ZNF37A: variants seen among roughly 807,000 people sequenced by gnomAD.
The protein encoded by ZNF37A is zinc finger protein 37A.
In ZNF37A, 10 loss-of-function variants were observed where a neutral mutation model predicts 12.3. That is an observed-to-expected ratio of 0.82 (90% CI 0.50 to 1.38). The LOEUF (loss-of-function observed/expected upper bound fraction) is 1.38. Ranked by LOEUF, ZNF37A falls within the 40% of genes most tolerant of loss-of-function variation. The pLI, the probability that ZNF37A is intolerant of heterozygous loss-of-function variation, is 0.00. For missense variants in ZNF37A, 580 were observed against 651.2 expected (o/e 0.89, Z 1.19); for synonymous variants, 207 against 223.0 (o/e 0.93, Z 0.64).
In ZNF37A at chr10:38,114,819, CT is replaced by C. The variant is rs777769001; in HGVS notation, c.81del (p.Ala28LeufsTer9). 8.7e-6 allele frequency: 14 copies of C among 1,613,924 alleles called. No individual in the cohort carries two copies. Among genetic ancestry groups the C allele is most frequent in the Non-Finnish European group, 3.4e-6 (4 of 1,179,980 alleles). On this transcript the variant is annotated frameshift_variant, in exon 6 of 8. Transcript: ENST00000685332. LOFTEE classifies it high-confidence loss of function. ...CAAGAGGAGTGGCAGCATCTGGACC[CT>C]GCTCAGAGGACCCTGTACAGGGATG... is the stretch of plus-strand genomic sequence containing the variant. ...FTQEEWQHLD[P>X]AQRTLYRDVM...
At chr10:38,110,872 A>G (rs1193276902) in intron 5 of ZNF37A, among the ~76,000 whole-genome samples, 1 of 152,222 alleles carries the variant, frequency 6.6e-6, no homozygotes, top group Admixed American at 6.5e-5. Flanking sequence ...GAATGATTTT[A>G]TACTGTTGGT....
rs1247198353 is a variant in ZNF37A at position 38,120,850 on chromosome 10, C to T, written c.*2013C>T. On this transcript the variant is annotated 3_prime_UTR_variant, in exon 8 of 8. Coordinates refer to ENST00000685332, the MANE Select transcript of ZNF37A (RefSeq NM_001324250.3). ...CTGCATAGGGCAGGAGCCTGAAAAGCTAATTTGAGAAGATAATAAGTAGGA... is the reference window on the plus strand; with the variant it reads ...CTGCATAGGGCAGGAGCCTGAAAAGTTAATTTGAGAAGATAATAAGTAGGA... 1 of 152,150 alleles carries T rather than the reference C, an allele frequency of 6.6e-6. No homozygotes were observed. Among genetic ancestry groups the T allele is most frequent in the Non-Finnish European group, 1.5e-5 (1 of 68,030 alleles). 9.4% of individuals were successfully genotyped at this position (152,150 alleles called of 1,614,324 possible).
rs2067174750 is a variant in ZNF37A at position 38,096,638 on chromosome 10, T to C, written c.15+6T>C. 3 of 1,612,594 alleles carry C rather than the reference T, an allele frequency of 1.9e-6. No homozygotes were observed. The highest frequency in any genetic ancestry group is 2.5e-6 in the Non-Finnish European group (3 of 1,179,460). On this transcript the variant is annotated splice_donor_region_variant and intron_variant, in intron 5 of 7. Transcript: ENST00000685332. ...GGAAGATGATCACATCCCAGGTAAG[T>C]TGTTTATTTTTTCACCGTTTTGCTT...
intron 7 of ZNF37A, chr10:38,142,394 T>C (rs1235870969): frequency 6.6e-6 from 1 of 152,238 alleles, no homozygotes; most frequent in Non-Finnish European, 1.5e-5. Context: ...AATTCATATC[T>C]ACTCTTACCA....
exon 8 of ZNF37A, chr10:38,147,052 C>G (rs1222184313): frequency 7.0e-6 from 2 of 287,504 alleles, no homozygotes; most frequent in African/African-American, 4.4e-5. Flanking sequence ...TTATCTGCAG[C>G]AAAAACATGT....
At chr10:38,127,074 G>C (rs2069938596), downstream of ZNF37A, among the ~76,000 whole-genome samples, 1 of 152,150 alleles carries the variant, frequency 6.6e-6, no homozygotes. Context: ...TTTTTGCTCA[G>C]ATATTCCAGT....
At chr10:38,112,328 C>T (rs887288721) in intron 5 of ZNF37A, among the ~76,000 whole-genome samples, 30 of 152,086 alleles carry the variant, frequency 2.0e-4, no homozygotes, top group African/African-American at 6.8e-4. Context: ...CTTTGCCAAG[C>T]TTCTCCTGTC....
intron 5 of ZNF37A, among the ~76,000 whole-genome samples, chr10:38,102,374 C>T (rs1283678053): frequency 6.6e-6 from 1 of 152,022 alleles, no homozygotes; most frequent in Non-Finnish European, 1.5e-5. Flanking sequence ...TTGCAATTAA[C>T]ATCTTGAATT....
intron 3 of ZNF37A, 53 bp from the exon 4 acceptor site, chr10:38,095,691 A>G (rs117510855): frequency 0.042 from 6,444 of 152,316 alleles, 191 homozygotes; most frequent in Non-Finnish European, 0.06. Context: ...TGGACAGGAA[A>G]CGAGCTTAAC....
At chr10:38,116,208 A>G (rs994175134) in intron 7 of ZNF37A, among the ~76,000 whole-genome samples, 4 of 152,216 alleles carry the variant, frequency 2.6e-5, no homozygotes, top group Non-Finnish European at 5.9e-5. Flanking sequence ...CCATTGATTT[A>G]AATATCTATA....
intron 2 of ZNF37A, 63 bp from the exon 3 acceptor site, chr10:38,095,475 A>T (rs1228815706): frequency 6.6e-6 from 1 of 152,254 alleles, no homozygotes; most frequent in Non-Finnish European, 1.5e-5. Context: ...CGGAGGGAAG[A>T]GCTTAGCAGC....
intron 5 of ZNF37A, among the ~76,000 whole-genome samples, chr10:38,107,097 C>T (rs1255224293): frequency 6.6e-6 from 1 of 152,080 alleles, no homozygotes; most frequent in East Asian, 1.9e-4. Flanking sequence ...TTAAGGGCAG[C>T]CAGAGAGAAA....
downstream of ZNF37A, among the ~76,000 whole-genome samples, chr10:38,128,244 G>A (rs1278409574): frequency 6.6e-6 from 1 of 152,124 alleles, no homozygotes; most frequent in African/African-American, 2.4e-5. Context: ...AATATAATAG[G>A]AGGAAGGATG....
intron 5 of ZNF37A, among the ~76,000 whole-genome samples, chr10:38,110,425 G>T (rs913427260): frequency 2.6e-5 from 4 of 152,048 alleles, no homozygotes; most frequent in African/African-American, 4.8e-5. Flanking sequence ...CATAGGCATG[G>T]GCAAAACTTC....
chr10:38,130,250 A>G (rs117023802), downstream of ZNF37A, among the ~76,000 whole-genome samples: 540 of 152,242 alleles, frequency 3.5e-3, 9 homozygotes, highest in South Asian at 0.05. Context: ...GCATGTTCAT[A>G]CCATGATTTG....
chr10:38,106,672 G>C (rs1425060876), intron 5 of ZNF37A, among the ~76,000 whole-genome samples: 1 of 152,040 alleles, frequency 6.6e-6, no homozygotes, highest in Non-Finnish European at 1.5e-5. Context: ...TCACCTGATG[G>C]AGCTGAAAAA....
chr10:38,107,986 C>T (rs1447207996), intron 5 of ZNF37A, among the ~76,000 whole-genome samples: 13 of 152,144 alleles, frequency 8.5e-5, no homozygotes, highest in Non-Finnish European at 1.8e-4. Flanking sequence ...TTTAACTCAG[C>T]TCTGGACCAA....
At position 38,119,975 on chromosome 10, in the gene ZNF37A, T is replaced by A. The variant is rs1378204708; in HGVS notation, c.*1138T>A. 6.6e-6 allele frequency: 1 copy of A among 152,236 alleles called. No individual in the cohort carries two copies. Among genetic ancestry groups the A allele is most frequent in the Non-Finnish European group, 1.5e-5 (1 of 68,056 alleles). The allele number at this position is 152,236 out of a possible 1,614,324, so 9.4% of individuals were successfully genotyped here. On this transcript the variant is annotated 3_prime_UTR_variant, in exon 8 of 8. Transcript: ENST00000685332. ...GAGAGTGGGTCCAGATTTCTGGTGG[T>A]TTCTGCCCTGCAGATGTCTAACACA...
rs1472288136 is a variant in ZNF37A at position 38,096,781 on chromosome 10, G to GC, written c.15+150dup. ...TTTCATGGGTCAAATGCAGCCTGCCGCATGTTTTTTTATGGTCCACAAACG... is the reference window on the plus strand; with the variant it reads ...TTTCATGGGTCAAATGCAGCCTGCCGCCATGTTTTTTTATGGTCCACAAACG... On this transcript the variant is annotated intron_variant, in intron 5 of 7. Coordinates refer to ENST00000685332, the MANE Select transcript of ZNF37A (RefSeq NM_001324250.3). 5 of 705,896 alleles carry GC rather than the reference G, an allele frequency of 7.1e-6. No individual in the cohort carries two copies. The East Asian group carries it at 1.5e-4, about 21-fold the overall frequency. The allele number at this position is 705,896 out of a possible 1,614,324, so 43.7% of individuals were successfully genotyped here.
Sources: allele counts gnomAD v4.1 joint callset (sites outside exome capture counted in the v4.1 genomes callset), GRCh38; gene constraint gnomAD v4.1.1; transcripts MANE v1.5; gene names NCBI Gene and HGNC (gene_info 2026-07-23, HGNC 2026-07-21).